Variants in CACNA2D4 observed in about 807,000 individuals in gnomAD.
The protein encoded by CACNA2D4 is calcium voltage-gated channel auxiliary subunit alpha2delta 4.
Under a neutral mutation model 163.8 loss-of-function variants are expected in CACNA2D4, and 157 were observed. The observed-to-expected ratio is 0.96, with a 90% confidence interval of 0.84 to 1.09. The LOEUF (loss-of-function observed/expected upper bound fraction) is 1.09. Among genes scored for constraint, CACNA2D4 ranks in the 50% least tolerant of loss-of-function variants. The pLI is 0.00. For synonymous variants in CACNA2D4, 598 were observed against 586.9 expected, an observed-to-expected ratio of 1.02 and a Z score of -0.27; for missense variants, 1,410 against 1,479.9, an observed-to-expected ratio of 0.95 and a Z score of 0.78.
intron 6 of CACNA2D4, among the ~76,000 whole-genome samples, chr12:1,898,695 G>GTGTGTA (rs1866465335): frequency 6.6e-6 from 1 of 152,112 alleles, no homozygotes; most frequent in Non-Finnish European, 1.5e-5. Flanking sequence ...GTGTGTGTGT[G>GTGTGTA]TGTGTATGTG....
At chr12:1,830,931 C>T in intron 26 of CACNA2D4, 2 of 1,591,084 alleles carry the variant, frequency 1.3e-6, no homozygotes, top group South Asian at 2.2e-5. Flanking sequence ...TCCCTCCCAC[C>T]AAGGGATCAC....
intron 18 of CACNA2D4, among the ~76,000 whole-genome samples, chr12:1,865,153 G>T (rs1262789257): frequency 6.6e-6 from 1 of 152,214 alleles, no homozygotes; most frequent in Admixed American, 6.5e-5. Context: ...AGGGGCTCTC[G>T]GCGCCGTGGC....
chr12:1,825,790 C>A (rs1224081396), intron 26 of CACNA2D4, among the ~76,000 whole-genome samples: 3 of 152,144 alleles, frequency 2.0e-5, no homozygotes, highest in Admixed American at 2.0e-4. Context: ...GTGACAGTCG[C>A]CAGGGAGTGA....
intron 30 of CACNA2D4, among the ~76,000 whole-genome samples, 161 bp downstream of exon 30, chr12:1,801,412 TC>T (rs1354904440): frequency 4.6e-5 from 7 of 152,176 alleles, no homozygotes; most frequent in Admixed American, 4.6e-4. Flanking sequence ...CCTCCCCACA[TC>T]ATGCTGACGC....
At chr12:1,830,288 C>T (rs1259845178) in intron 26 of CACNA2D4, among the ~76,000 whole-genome samples, 2 of 152,254 alleles carry the variant, frequency 1.3e-5, no homozygotes, top group Admixed American at 6.5e-5. Flanking sequence ...TCTAAATCCT[C>T]ATGCCAAACT....
chr12:1,866,978 T>C (rs1449702266), intron 18 of CACNA2D4, among the ~76,000 whole-genome samples: 2 of 152,132 alleles, frequency 1.3e-5, no homozygotes, highest in Non-Finnish European at 2.9e-5. Context: ...TGAAGTGTAT[T>C]TTCTCTTTCT....
chr12:1,878,912 C>T lies in CACNA2D4; in HGVS notation c.1644+44G>A. Reference sequence around the variant, plus strand: ...CCCATCACGGGGGAGGGAGTTTGCTCCTGGGGAACCTGTGATCCCCACAGG... The same window carrying T: ...CCCATCACGGGGGAGGGAGTTTGCTTCTGGGGAACCTGTGATCCCCACAGG... On this transcript the variant is annotated intron_variant, in intron 15 of 37. Transcript: ENST00000382722. This position sits in a 1 kb window ranked among gnomAD's most constrained non-coding sequence, Gnocchi z 4.6. 2 of 1,558,638 alleles carry T rather than the reference C, an allele frequency of 1.3e-6. No individual in the cohort carries two copies. The highest frequency in any genetic ancestry group is 1.8e-6 in the Non-Finnish European group (2 of 1,132,976).
At chr12:1,890,305 C>T (rs532385416) in intron 6 of CACNA2D4, among the ~76,000 whole-genome samples, 8 of 152,316 alleles carry the variant, frequency 5.3e-5, no homozygotes, top group South Asian at 2.1e-4. Context: ...CACCAGACTG[C>T]GTCCTGCCTG....
At chr12:1,911,470 A>C (rs1342616574) in intron 3 of CACNA2D4, among the ~76,000 whole-genome samples, 1 of 152,002 alleles carries the variant, frequency 6.6e-6, no homozygotes, top group Non-Finnish European at 1.5e-5. Flanking sequence ...CTCTGCTTGC[A>C]CAACTATAAA....
At chr12:1,916,452 T>C (rs1056849441) in intron 1 of CACNA2D4, among the ~76,000 whole-genome samples, 6 of 152,200 alleles carry the variant, frequency 3.9e-5, no homozygotes, top group Admixed American at 2.0e-4. Context: ...CTGGGAGTCA[T>C]TGATGCAAAG....
chr12:1,903,038 T>C (rs981178590), intron 6 of CACNA2D4, among the ~76,000 whole-genome samples: 1 of 151,990 alleles, frequency 6.6e-6, no homozygotes, highest in Admixed American at 6.6e-5. Context: ...TGGAATAGAA[T>C]AGAGAGTGCA....
chr12:1,822,401 T>C (rs531136722), intron 26 of CACNA2D4, among the ~76,000 whole-genome samples: 47 of 152,064 alleles, frequency 3.1e-4, no homozygotes, highest in Non-Finnish European at 5.0e-4. Flanking sequence ...GCCCCTCTGG[T>C]CTTCCTCCTT....
In CACNA2D4 at chr12:1,907,708, T is replaced by A. The variant is rs900853160; in HGVS notation, c.650-137A>T. ...GCCTGGTGGGTGTGCCTGGTGGGCG[T>A]GTCTGGTGGACGGCCTGGTGGGCGT... On this transcript the variant is annotated intron_variant, in intron 5 of 37. Coordinates refer to ENST00000382722, the MANE Select transcript of CACNA2D4 (RefSeq NM_172364.5). 1.1e-5 allele frequency: 13 copies of A among 1,173,150 alleles called. No individual in the cohort carries two copies. The African/African-American group carries it at 2.0e-4, about 18-fold the overall frequency. 72.7% of individuals were successfully genotyped at this position (1,173,150 alleles called of 1,614,324 possible).
In CACNA2D4 at chr12:1,834,669, G is replaced by C. The variant is rs374354310; in HGVS notation, c.2551+6070C>G. On this transcript the variant is annotated intron_variant, in intron 26 of 37. Coordinates refer to ENST00000382722, the MANE Select transcript of CACNA2D4 (RefSeq NM_172364.5). The surrounding 1 kb of genome is among the most constrained non-coding windows in gnomAD (Gnocchi z 7.6). The stretch of plus-strand genomic sequence containing the variant: ...CTCAAAAAGCGCCAGCCCCTGATGG[G>C]GGACCCCGAGGGCGAGCACGAGGAC... 1.2e-6 allele frequency: 2 copies of C among 1,601,590 alleles called. No homozygotes were observed. The highest frequency in any genetic ancestry group is 1.7e-6 in the Non-Finnish European group (2 of 1,179,576).
intron 26 of CACNA2D4, among the ~76,000 whole-genome samples, chr12:1,814,647 C>T (rs532342097): frequency 6.6e-5 from 10 of 152,332 alleles, no homozygotes; most frequent in South Asian, 2.1e-4. Flanking sequence ...TCCCATCCAA[C>T]GTCTGCACAC....
At chr12:1,860,258 G>A in intron 18 of CACNA2D4, 52 bp from the exon 19 acceptor site, 1 of 1,429,416 alleles carries the variant, frequency 7.0e-7, no homozygotes, top group Non-Finnish European at 9.8e-7. Flanking sequence ...GCGGCCCCCA[G>A]CCCCCACCTC....
At chr12:1,810,025 A>C (rs1208913465) in intron 29 of CACNA2D4, among the ~76,000 whole-genome samples, 1 of 152,246 alleles carries the variant, frequency 6.6e-6, no homozygotes, top group African/African-American at 2.4e-5. Flanking sequence ...GGAGGAGGCC[A>C]GGCTAGTGAC....
At chr12:1,884,739 T>C in intron 11 of CACNA2D4, 29 bp downstream of exon 11, 1 of 1,497,788 alleles carries the variant, frequency 6.7e-7, no homozygotes, top group Admixed American at 1.8e-5. Context: ...AGAAGCTTTT[T>C]TCTCCCTGGA....
intron 26 of CACNA2D4, among the ~76,000 whole-genome samples, chr12:1,822,563 G>T (rs533903477): frequency 6.6e-6 from 1 of 152,298 alleles, no homozygotes; most frequent in South Asian, 2.1e-4. Context: ...CACTCAGGAG[G>T]CTTCTCTGTT....
Sources: gnomAD v4.1 joint callset for allele counts (sites outside exome capture counted in the v4.1 genomes callset) on GRCh38, gnomAD v4.1.1 for gene constraint, Gnocchi (gnomAD v3.1) non-coding constraint, MANE v1.5 for transcripts, NCBI Gene and HGNC (gene_info 2026-07-23, HGNC 2026-07-21) for gene names.